ABTB3: variants seen among roughly 807,000 people sequenced by gnomAD.
The protein encoded by ABTB3 is ankyrin repeat and BTB domain containing 3.
chr12:107,422,727 G>C, the ABTB3 span, among the ~76,000 whole-genome samples: 1 of 152,204 alleles, frequency 6.6e-6, no homozygotes, highest in Non-Finnish European at 1.5e-5. Flanking sequence ...ACTATACTAG[G>C]TTGTATTAAT....
chr12:107,624,099 T>A, the ABTB3 span, among the ~76,000 whole-genome samples: 1 of 152,016 alleles, frequency 6.6e-6, no homozygotes, highest in Admixed American at 6.5e-5. Context: ...AAAATTAGAT[T>A]GCACTGGGCC....
the ABTB3 span, among the ~76,000 whole-genome samples, chr12:107,563,654 T>C: frequency 3.3e-5 from 5 of 151,968 alleles, no homozygotes; most frequent in South Asian, 1.0e-3. Context: ...AAAAAAACTA[T>C]TGTGGTTATG....
the ABTB3 span, among the ~76,000 whole-genome samples, chr12:107,324,133 G>A: frequency 1.8e-4 from 27 of 152,312 alleles, no homozygotes; most frequent in African/African-American, 6.5e-4. Flanking sequence ...CACATGGTAG[G>A]TGCTAAAATG....
At chr12:107,531,280 A>T in the ABTB3 span, among the ~76,000 whole-genome samples, 28 of 152,334 alleles carry the variant, frequency 1.8e-4, no homozygotes, top group African/African-American at 6.7e-4. Context: ...GGCAAAAGCA[A>T]CCCAGTGGAG....
At chr12:107,463,861 G>T in the ABTB3 span, among the ~76,000 whole-genome samples, 1 of 152,154 alleles carries the variant, frequency 6.6e-6, no homozygotes, top group Non-Finnish European at 1.5e-5. Flanking sequence ...TGCTTTTAGA[G>T]AACACCATTC....
the ABTB3 span, among the ~76,000 whole-genome samples, chr12:107,406,463 T>A: frequency 0.017 from 2,608 of 152,262 alleles, 74 homozygotes; most frequent in African/African-American, 0.055. Flanking sequence ...GATGCTCTAC[T>A]TTTTCTGCTT....
the ABTB3 span, among the ~76,000 whole-genome samples, chr12:107,627,924 A>G: frequency 6.6e-6 from 1 of 152,220 alleles, no homozygotes; most frequent in African/African-American, 2.4e-5. Flanking sequence ...ACCCTACATC[A>G]CTTGCTGGGA....
At chr12:107,602,272 A>G in the ABTB3 span, among the ~76,000 whole-genome samples, 1 of 152,132 alleles carries the variant, frequency 6.6e-6, no homozygotes, top group Non-Finnish European at 1.5e-5. Flanking sequence ...GGCTTTCCCC[A>G]CTGGGTAAGG....
At chr12:107,589,523 T>G in the ABTB3 span, among the ~76,000 whole-genome samples, 1 of 152,198 alleles carries the variant, frequency 6.6e-6, no homozygotes, top group Non-Finnish European at 1.5e-5. Context: ...ATAATCAAAG[T>G]AGTTGAACAT....
chr12:107,611,395 T>C, the ABTB3 span, among the ~76,000 whole-genome samples: 1 of 152,116 alleles, frequency 6.6e-6, no homozygotes, highest in Non-Finnish European at 1.5e-5. Context: ...TGCCCAGGCT[T>C]GTCTTGAACT....
At chr12:107,340,063 T>C in the ABTB3 span, among the ~76,000 whole-genome samples, 2 of 149,420 alleles carry the variant, frequency 1.3e-5, no homozygotes, top group Admixed American at 1.3e-4. Context: ...TAACCAGACT[T>C]TTTTTTTTTG....
the ABTB3 span, among the ~76,000 whole-genome samples, chr12:107,421,727 T>G: frequency 6.6e-6 from 1 of 152,212 alleles, no homozygotes; most frequent in Non-Finnish European, 1.5e-5. Flanking sequence ...AAGTACCCCC[T>G]GCGCCTTCCA....
chr12:107,420,514 C>T, the ABTB3 span, among the ~76,000 whole-genome samples: 55 of 152,256 alleles, frequency 3.6e-4, no homozygotes, highest in African/African-American at 1.0e-3. Context: ...GAGAACAGCA[C>T]GGGTAAAACC....
the ABTB3 span, among the ~76,000 whole-genome samples, chr12:107,344,178 G>C: frequency 3.9e-5 from 6 of 152,158 alleles, no homozygotes; most frequent in African/African-American, 1.4e-4. Flanking sequence ...AGGAAAAAGG[G>C]TACCTACCAG....
At chr12:107,358,309 T>C in the ABTB3 span, among the ~76,000 whole-genome samples, 2 of 152,164 alleles carry the variant, frequency 1.3e-5, no homozygotes, top group Non-Finnish European at 2.9e-5. Context: ...TAGTAGACCT[T>C]CAAAGAAGTT....
chr12:107,412,570 C>T, the ABTB3 span, among the ~76,000 whole-genome samples: 1 of 152,110 alleles, frequency 6.6e-6, no homozygotes, highest in African/African-American at 2.4e-5. Flanking sequence ...AAACTGGGGC[C>T]CCAAGAGATA....
At chr12:107,421,731 C>A in the ABTB3 span, among the ~76,000 whole-genome samples, 22 of 152,198 alleles carry the variant, frequency 1.4e-4, no homozygotes, top group African/African-American at 5.3e-4. Flanking sequence ...ACCCCCTGCG[C>A]CTTCCACTTC....
At chr12:107,428,125 A>G in the ABTB3 span, among the ~76,000 whole-genome samples, 25 of 152,190 alleles carry the variant, frequency 1.6e-4, no homozygotes, top group Non-Finnish European at 3.1e-4. Flanking sequence ...TGTCTGGCAC[A>G]CAGCAGTCAG....
the ABTB3 span, among the ~76,000 whole-genome samples, chr12:107,358,376 T>G: frequency 6.6e-6 from 1 of 152,166 alleles, no homozygotes; most frequent in Non-Finnish European, 1.5e-5. Flanking sequence ...AGGTACAGCA[T>G]GTGCAAAAGC....
Sources: gnomAD v4.1 joint callset for allele counts (sites outside exome capture counted in the v4.1 genomes callset) on GRCh38, gnomAD v4.1.1 for gene constraint, MANE v1.5 for transcripts, NCBI Gene and HGNC (gene_info 2026-07-23, HGNC 2026-07-21) for gene names.